Variants in TAF1 observed in about 807,000 individuals in gnomAD.
TAF1 encodes the protein TATA-box binding protein associated factor 1, also known as transcription initiation factor TFIID subunit 1.
Under a neutral mutation model 138.5 loss-of-function variants are expected in TAF1, and 2 were observed. That is an observed-to-expected ratio of 0.01 (90% CI 0.01 to 0.05). The LOEUF (loss-of-function observed/expected upper bound fraction) is 0.05. Among genes scored for constraint, TAF1 ranks in the 10% least tolerant of loss-of-function variants. The pLI is 1.00. For synonymous variants in TAF1, 437 were observed against 503.2 expected (o/e 0.87, Z 1.76); for missense variants, 709 against 1,478.0 (o/e 0.48, Z 8.53).
At chrX:71,501,442 A>C in intron 13 of TAF1, among the ~76,000 whole-genome samples, 1 of 111,408 alleles carries the variant, frequency 9.0e-6, no homozygotes, top group Non-Finnish European at 1.9e-5. Context: ...GGTTTTTAAA[A>C]GCAGGACGAG....
At chrX:71,455,078 G>C in intron 34 of TAF1, 1 of 1,136,307 alleles carries the variant, frequency 8.8e-7, no homozygotes, top group Non-Finnish European at 1.2e-6. Context: ...ATGAATGAAT[G>C]GGGTGGGGCC....
At chrX:71,418,554 T>C (rs960491175) in intron 28 of TAF1, among the ~76,000 whole-genome samples, 1 of 112,519 alleles carries the variant, frequency 8.9e-6, no homozygotes. Context: ...GTTTTGGCTC[T>C]GGGGAGCACT....
At chrX:71,398,823 T>C (rs2034998959) in intron 24 of TAF1, 86 bp downstream of exon 24, 1 of 1,077,880 alleles carries the variant, frequency 9.3e-7, no homozygotes, top group East Asian at 3.3e-5. Context: ...CCTCCTTTAC[T>C]GGGAATGAGG....
At chrX:71,461,741 A>G (rs2038558316) in intron 37 of TAF1, among the ~76,000 whole-genome samples, 1 of 111,973 alleles carries the variant, frequency 8.9e-6, no homozygotes, top group Non-Finnish European at 1.9e-5. Flanking sequence ...AACAACTAAG[A>G]TATGGTCCCT....
chrX:71,475,640 G>C (rs1333215978), intron 13 of TAF1, among the ~76,000 whole-genome samples: 1 of 107,016 alleles, frequency 9.3e-6, no homozygotes, highest in Non-Finnish European at 1.9e-5. Context: ...AGATTTTCAA[G>C]ACTTTTATGA....
chrX:71,460,162 G>A (rs2038487398), intron 36 of TAF1, among the ~76,000 whole-genome samples: 1 of 111,921 alleles, frequency 8.9e-6, no homozygotes, highest in African/African-American at 3.2e-5. Flanking sequence ...GATCGCTTGA[G>A]CCCAGGACTT....
At chrX:71,459,789 A>G in intron 36 of TAF1, 81 bp downstream of exon 36, 1 of 1,159,283 alleles carries the variant, frequency 8.6e-7, no homozygotes, top group Non-Finnish European at 1.1e-6. Flanking sequence ...GCTCTTGGCC[A>G]CATATGCTTT....
Position 71,377,072 on chromosome X carries a change from A to T in TAF1, c.595A>T (p.Thr199Ser), listed in dbSNP as rs1474851024. 1.7e-6 allele frequency: 2 copies of T among 1,211,576 alleles called. No individual in the cohort carries two copies. Among genetic ancestry groups the T allele is most frequent in the Non-Finnish European group, 2.2e-6 (2 of 895,522 alleles). The change falls in exon 5 of 38, where the codon ACA becomes TCA. Residue 199 changes from threonine (T) to serine (S), a missense_variant. Physicochemically the swap from Thr to Ser is moderately conservative, Grantham distance 58. This residue lies in a region of TAF1 where 123 missense variants were observed against 161.6 expected (regional missense o/e 0.76). Coordinates refer to ENST00000423759, the MANE Select transcript of TAF1 (RefSeq NM_004606.5). ...ATCTGAGATGGGACCTCAGGAAGCA[A>T]CACAGGCAGAATCTGAAGATGGAAA... ...SESEMGPQEA[T>S]QAESEDGKLT...
Position 71,406,588 on chromosome X carries a change from CT to C in TAF1, c.3999-49del, listed in dbSNP as rs1192681927. 8 of 1,121,892 alleles carry C rather than the reference CT, an allele frequency of 7.1e-6. No homozygotes were observed. In the African/African-American group the frequency reaches 1.5e-4, roughly 21 times the overall value. The allele number at this position is 1,121,892 out of a possible 1,213,427, so 92.5% of individuals were successfully genotyped here. Reference sequence around the variant, plus strand: ...TTAATTATAGTTGCTTTTTTTCCCCCTGGGAACTAGAAATAGGGGCTGTATC... The same window carrying C: ...TTAATTATAGTTGCTTTTTTTCCCCCGGGAACTAGAAATAGGGGCTGTATC... On this transcript the variant is annotated intron_variant, in intron 25 of 37. Transcript: ENST00000423759.
intron 32 of TAF1, among the ~76,000 whole-genome samples, chrX:71,452,887 G>A (rs987401759): frequency 5.3e-5 from 6 of 112,290 alleles, no homozygotes; most frequent in Non-Finnish European, 9.4e-5. Flanking sequence ...AGCGAAACCC[G>A]GTCTCCACCA....
chrX:71,464,357 G>A lies in TAF1; in HGVS notation c.*311G>A. 2.7e-6 allele frequency: 1 copy of A among 373,846 alleles called. No individual in the cohort carries two copies. The highest frequency in any genetic ancestry group is 4.6e-6 in the Non-Finnish European group (1 of 218,744). The allele number at this position is 373,846 out of a possible 1,213,427, so 30.8% of individuals were successfully genotyped here. A position where few individuals can be genotyped will look rare whatever the true frequency, so the allele number is the denominator to read the frequency against. ...TTGCTTTTGGTATAATTTTTCCCTGGGGAAGGAGGGGAAATTATGAAAGAA... is the reference window on the plus strand; with the variant it reads ...TTGCTTTTGGTATAATTTTTCCCTGAGGAAGGAGGGGAAATTATGAAAGAA... On this transcript the variant is annotated 3_prime_UTR_variant, in exon 38 of 38. Coordinates refer to ENST00000423759, the MANE Select transcript of TAF1 (RefSeq NM_004606.5).
intron 32 of TAF1, among the ~76,000 whole-genome samples, chrX:71,452,169 C>A (rs1351770094): frequency 1.0e-4 from 11 of 108,897 alleles, no homozygotes; most frequent in Admixed American, 1.9e-4. Context: ...CTGACCCCCC[C>A]ACCTCCCTCC....
chrX:71,411,135 G>A (rs1198849635), intron 28 of TAF1, among the ~76,000 whole-genome samples: 1 of 110,908 alleles, frequency 9.0e-6, no homozygotes, highest in Admixed American at 9.7e-5. Flanking sequence ...GAGGAGTGTG[G>A]TGGTACAATC....
intron 1 of TAF1, 116 bp downstream of exon 1, chrX:71,366,610 G>C: frequency 1.3e-6 from 1 of 781,054 alleles, no homozygotes; most frequent in East Asian, 3.5e-5. Flanking sequence ...GCTAACGCCG[G>C]GGAGGAGGAT....
intron 24 of TAF1, among the ~76,000 whole-genome samples, chrX:71,399,089 G>A (rs1300544715): frequency 9.2e-6 from 1 of 109,004 alleles, no homozygotes; most frequent in African/African-American, 3.4e-5. Flanking sequence ...ACAGGCACGT[G>A]CCACCACACC....
intron 13 of TAF1, among the ~76,000 whole-genome samples, chrX:71,489,649 C>T (rs1219625118): frequency 1.9e-5 from 2 of 105,858 alleles, no homozygotes; most frequent in African/African-American, 7.0e-5. Flanking sequence ...GCACTCCAGA[C>T]TGGGCAACAA....
intron 32 of TAF1, among the ~76,000 whole-genome samples, chrX:71,451,015 C>G (rs773795273): frequency 4.5e-5 from 5 of 112,155 alleles, no homozygotes; most frequent in Non-Finnish European, 9.4e-5. Context: ...TTTAAATTTT[C>G]TAAAAGAAGC....
At position 71,493,216 on chromosome X, in the gene TAF1, T is replaced by C. The variant is rs1344237140; in HGVS notation, c.1366+32413T>C. 1.5e-4 allele frequency among the ~76,000 whole-genome samples: 17 copies of C among 110,786 alleles called. No homozygotes were observed. The Admixed American group carries it at 1.6e-3, about 11-fold the overall frequency. On this transcript the variant is annotated intron_variant and NMD_transcript_variant, in intron 13 of 14. Transcript: ENST00000373775. ...TTTTAGTAGAGACAGGGTTTCACTATATTGGCCAGGCTGGTCTCGAACTCC... is the reference window on the plus strand; with the variant it reads ...TTTTAGTAGAGACAGGGTTTCACTACATTGGCCAGGCTGGTCTCGAACTCC...
chrX:71,408,775 C>T (rs1380595069), intron 28 of TAF1, among the ~76,000 whole-genome samples: 1 of 111,352 alleles, frequency 9.0e-6, no homozygotes, highest in African/African-American at 3.3e-5. Context: ...CCTGTAATCC[C>T]AGCACTTTGG....
Sources: gnomAD v4.1 joint callset for allele counts (sites outside exome capture counted in the v4.1 genomes callset) on GRCh38, gnomAD v4.1.1 for gene constraint, gnomAD v4.1.1 regional missense constraint, MANE v1.5 for transcripts, NCBI Gene and HGNC (gene_info 2026-07-23, HGNC 2026-07-21) for gene names.